The following TMEM263 variants were observed in gnomAD, a reference collection of about 807,000 sequenced individuals.
TMEM263 encodes the protein UPF0444 transmembrane protein C12orf23.
TMEM263 carries 5 observed loss-of-function variants against 8.6 expected under a neutral mutation model. The observed-to-expected ratio is 0.58, with a 90% CI of 0.31 to 1.23. TMEM263 has a LOEUF of 1.23. TMEM263 is among the 50% of genes most tolerant of loss of function. The pLI, the probability that TMEM263 is intolerant of heterozygous loss-of-function variation, is 0.07. For missense variants in TMEM263, 104 were observed against 138.8 expected (o/e 0.75, Z 1.26); for synonymous variants, 50 against 47.9 (o/e 1.04, Z -0.18).
intron 1 of TMEM263, among the ~76,000 whole-genome samples, chr12:106,956,381 T>C (rs558631221): frequency 1.3e-5 from 2 of 152,086 alleles, no homozygotes; most frequent in East Asian, 3.9e-4. Context: ...AGGAGGAAGG[T>C]GAGGGGCATC....
At chr12:106,957,292 T>C in intron 2 of TMEM263, 143 bp downstream of exon 2, 1 of 437,462 alleles carries the variant, frequency 2.3e-6, no homozygotes, top group Non-Finnish European at 3.1e-6. Flanking sequence ...ATATGCATCC[T>C]GTTTTGCTTT....
intron 2 of TMEM263, among the ~76,000 whole-genome samples, chr12:106,965,735 C>G (rs991286425): frequency 6.6e-6 from 1 of 151,846 alleles, no homozygotes; most frequent in Non-Finnish European, 1.5e-5. Context: ...TATTTATTGC[C>G]TTTCCCCATT....
chr12:106,961,000 C>G (rs1951766221), intron 2 of TMEM263, among the ~76,000 whole-genome samples: 1 of 151,628 alleles, frequency 6.6e-6, no homozygotes, highest in Non-Finnish European at 1.5e-5. Context: ...GCGGATACTT[C>G]TCTTCGCTTC....
intron 2 of TMEM263, chr12:106,966,846 A>G: frequency 3.0e-6 from 1 of 333,848 alleles, no homozygotes; most frequent in South Asian, 4.5e-5. Flanking sequence ...CACCACAGTA[A>G]CAACATAGGA....
intron 3 of TMEM263, among the ~76,000 whole-genome samples, chr12:106,969,855 G>A (rs1460888471): frequency 6.6e-6 from 1 of 150,830 alleles, no homozygotes; most frequent in East Asian, 1.9e-4. Context: ...GAGCTTACAT[G>A]CTAATATATG....
At chr12:106,963,173 G>A (rs1951801568) in intron 2 of TMEM263, among the ~76,000 whole-genome samples, 1 of 152,184 alleles carries the variant, frequency 6.6e-6, no homozygotes, top group Non-Finnish European at 1.5e-5. Context: ...GTAGAATAGT[G>A]GAGATGGCGG....
rs1235769848 is a variant in TMEM263 at position 106,955,957 on chromosome 12, C to A, written c.-183C>A. The stretch of plus-strand genomic sequence containing the variant: ...GAGGACGCCTCTGGAGCCGCGACTG[C>A]CCGGGGTTGTGCCGGCCGCCGCTGC... On this transcript the variant is annotated 5_prime_UTR_variant, in exon 1 of 4. Transcript: ENST00000280756. 1.0e-6 allele frequency: 1 copy of A among 986,622 alleles called. No individual in the cohort carries two copies. Among genetic ancestry groups the A allele is most frequent in the Non-Finnish European group, 1.2e-6 (1 of 831,012 alleles). 61.1% of individuals were successfully genotyped at this position (986,622 alleles called of 1,614,324 possible).
intron 1 of TMEM263, 157 bp from the exon 2 acceptor site, chr12:106,956,925 A>G (rs1322603544): frequency 5.0e-6 from 1 of 199,832 alleles, no homozygotes; most frequent in Non-Finnish European, 9.0e-6. Flanking sequence ...GCCTAAAGGG[A>G]TCAGTAGGGA....
At chr12:106,956,991 T>TAA (rs1457940074) in intron 1 of TMEM263, 91 bp from the exon 2 acceptor site, 1 of 805,510 alleles carries the variant, frequency 1.2e-6, no homozygotes, top group Non-Finnish European at 1.5e-6. Flanking sequence ...GAAGGGTTCT[T>TAA]AATTTGATTT....
At chr12:106,966,321 A>G (rs529974272) in intron 2 of TMEM263, among the ~76,000 whole-genome samples, 5 of 152,312 alleles carry the variant, frequency 3.3e-5, no homozygotes, top group African/African-American at 1.2e-4. Flanking sequence ...ACATGATCTC[A>G]TTCTTTTTTA....
intron 2 of TMEM263, among the ~76,000 whole-genome samples, chr12:106,964,323 C>T (rs961694638): frequency 3.3e-5 from 5 of 152,190 alleles, no homozygotes; most frequent in African/African-American, 1.2e-4. Flanking sequence ...TATTTGTCCT[C>T]TTCTATACAG....
At chr12:106,964,328 A>C (rs1270051667) in intron 2 of TMEM263, among the ~76,000 whole-genome samples, 1 of 152,214 alleles carries the variant, frequency 6.6e-6, no homozygotes, top group African/African-American at 2.4e-5. Flanking sequence ...GTCCTCTTCT[A>C]TACAGTTTAT....
At chr12:106,967,244 T>C (rs1339905323) in intron 3 of TMEM263, 64 bp downstream of exon 3, 1 of 1,047,074 alleles carries the variant, frequency 9.6e-7, no homozygotes, top group Non-Finnish European at 1.4e-6. Context: ...TGATAGTTTT[T>C]ATTTTTTACT....
Sources: gnomAD v4.1 joint callset for allele counts (sites outside exome capture counted in the v4.1 genomes callset) on GRCh38, gnomAD v4.1.1 for gene constraint, MANE v1.5 for transcripts, NCBI Gene and HGNC (gene_info 2026-07-23, HGNC 2026-07-21) for gene names.